SLC39A11: variants seen among roughly 807,000 people sequenced by gnomAD.
SLC39A11 encodes the protein solute carrier family 39 member 11, also known as zinc transporter ZIP11.
Under a neutral mutation model 36.1 loss-of-function variants are expected in SLC39A11, and 33 were observed. The ratio of observed to expected loss-of-function variants is 0.91; its 90% confidence interval spans 0.69 to 1.22. SLC39A11 has a LOEUF of 1.22. SLC39A11 is among the 50% of genes most tolerant of loss of function. The pLI is 0.00. For missense variants in SLC39A11, 432 were observed against 430.3 expected (o/e 1.00, Z -0.03); for synonymous variants, 166 against 170.3 (o/e 0.97, Z 0.20).
At position 72,646,082 on chromosome 17, in the gene SLC39A11, G is replaced by C. The variant is rs1451316897; in HGVS notation, c.*1502C>G. The C allele has an allele frequency of 6.6e-6, 1 of 152,662 alleles. No homozygotes were observed. The highest frequency in any genetic ancestry group is 1.5e-5 in the Non-Finnish European group (1 of 68,052). The allele number at this position is 152,662 out of a possible 1,614,324, so 9.5% of individuals were successfully genotyped here. ...CATACATACACCAACCACCACACCA[G>C]TTAATCTCAACCAATCAAACCTCTG... On this transcript the variant is annotated 3_prime_UTR_variant, in exon 10 of 10. Coordinates refer to ENST00000255559, the MANE Select transcript of SLC39A11 (RefSeq NM_139177.4).
chr17:72,809,670 G>A (rs1393686426), intron 6 of SLC39A11, among the ~76,000 whole-genome samples: 1 of 152,104 alleles, frequency 6.6e-6, no homozygotes, highest in Non-Finnish European at 1.5e-5. Flanking sequence ...TCATTTTAAC[G>A]GTATTTTAGG....
chr17:72,823,422 T>C (rs1206597444), intron 6 of SLC39A11, among the ~76,000 whole-genome samples: 1 of 151,168 alleles, frequency 6.6e-6, no homozygotes, highest in Non-Finnish European at 1.5e-5. Flanking sequence ...TCTAAACTCA[T>C]CTGGCAACAG....
At chr17:73,005,566 T>C (rs1384463342) in intron 4 of SLC39A11, among the ~76,000 whole-genome samples, 1 of 152,154 alleles carries the variant, frequency 6.6e-6, no homozygotes, top group Non-Finnish European at 1.5e-5. Context: ...CACCTTCCTG[T>C]TCTATATGCA....
intron 5 of SLC39A11, among the ~76,000 whole-genome samples, chr17:72,869,690 AT>A (rs2080505291): frequency 6.6e-6 from 1 of 152,198 alleles, no homozygotes; most frequent in Non-Finnish European, 1.5e-5. Flanking sequence ...CGCCCAGTGA[AT>A]TTTTAAAAAT....
chr17:72,903,907 C>G (rs9908880), intron 5 of SLC39A11, among the ~76,000 whole-genome samples: 1 of 152,128 alleles, frequency 6.6e-6, no homozygotes, highest in South Asian at 2.1e-4. Context: ...ATAACAGGAG[C>G]AAGTGAGCTC....
chr17:72,752,731 G>A (rs1284051943), intron 6 of SLC39A11, among the ~76,000 whole-genome samples: 1 of 151,912 alleles, frequency 6.6e-6, no homozygotes, highest in African/African-American at 2.4e-5. Context: ...TCATCTTCCA[G>A]TATCTGATGC....
chr17:72,659,744 G>A (rs2070326571), intron 7 of SLC39A11, among the ~76,000 whole-genome samples: 1 of 151,802 alleles, frequency 6.6e-6, no homozygotes, highest in South Asian at 2.1e-4. Flanking sequence ...CACCATGCCT[G>A]GCTAATTTTT....
intron 7 of SLC39A11, among the ~76,000 whole-genome samples, chr17:72,716,992 T>TATATACACAC (rs773086532): frequency 8.7e-5 from 11 of 126,464 alleles, no homozygotes; most frequent in African/African-American, 2.9e-4. Context: ...TATATATATA[T>TATATACACAC]ACACACACAC....
intron 6 of SLC39A11, among the ~76,000 whole-genome samples, chr17:72,760,219 G>C (rs1035329098): frequency 6.6e-6 from 1 of 152,166 alleles, no homozygotes; most frequent in African/African-American, 2.4e-5. Flanking sequence ...CTAGAGAAGT[G>C]GTTTCACCAT....
chr17:72,722,290 C>T (rs2073716718), intron 7 of SLC39A11, among the ~76,000 whole-genome samples: 1 of 152,118 alleles, frequency 6.6e-6, no homozygotes, highest in South Asian at 2.1e-4. Flanking sequence ...AACAGGGAAG[C>T]AAAAGTCAAG....
At chr17:72,701,026 C>T (rs916356783) in intron 7 of SLC39A11, among the ~76,000 whole-genome samples, 3 of 152,256 alleles carry the variant, frequency 2.0e-5, no homozygotes, top group Non-Finnish European at 4.4e-5. Context: ...GGGCCCTGCA[C>T]AACCTGCAGC....
intron 6 of SLC39A11, among the ~76,000 whole-genome samples, chr17:72,743,209 G>A (rs529703726): frequency 6.6e-6 from 1 of 152,124 alleles, no homozygotes; most frequent in South Asian, 2.1e-4. Context: ...GGCTAGAGCT[G>A]GGCCGTAAAC....
chr17:72,857,973 A>C (rs895910298), intron 5 of SLC39A11, among the ~76,000 whole-genome samples: 1 of 152,128 alleles, frequency 6.6e-6, no homozygotes, highest in Non-Finnish European at 1.5e-5. Flanking sequence ...GAAGCTCTTA[A>C]GTTTAATTAG....
At chr17:72,696,374 C>G (rs567343597) in intron 7 of SLC39A11, among the ~76,000 whole-genome samples, 7 of 152,302 alleles carry the variant, frequency 4.6e-5, no homozygotes, top group East Asian at 1.9e-4. Flanking sequence ...TTACAAGGTA[C>G]CTACCAGGAC....
At chr17:72,918,629 C>T (rs1041309922) in intron 5 of SLC39A11, among the ~76,000 whole-genome samples, 16 of 152,308 alleles carry the variant, frequency 1.1e-4, no homozygotes, top group African/African-American at 3.6e-4. Context: ...TCAACTGGCC[C>T]CAGCTTTCCC....
intron 4 of SLC39A11, among the ~76,000 whole-genome samples, chr17:73,017,645 G>A (rs1000392762): frequency 7.2e-5 from 11 of 152,096 alleles, no homozygotes; most frequent in East Asian, 1.9e-4. Flanking sequence ...CCTGGGAGGC[G>A]GAGGTTGCGG....
intron 9 of SLC39A11, 36 bp downstream of exon 9, chr17:72,648,767 G>A (rs775848390): frequency 7.4e-6 from 12 of 1,611,396 alleles, no homozygotes; most frequent in Admixed American, 1.7e-5. Flanking sequence ...AGCTGGGACT[G>A]GGACAGGGAC....
At chr17:73,009,312 G>A (rs1432580834) in intron 4 of SLC39A11, among the ~76,000 whole-genome samples, 4 of 145,092 alleles carry the variant, frequency 2.8e-5, no homozygotes, top group South Asian at 2.2e-4. Flanking sequence ...CCGAGATTGC[G>A]CCACTGCACT....
intron 6 of SLC39A11, among the ~76,000 whole-genome samples, chr17:72,783,889 G>A (rs1303870054): frequency 3.9e-5 from 6 of 152,166 alleles, no homozygotes; most frequent in African/African-American, 1.4e-4. Context: ...CCTCAGCCAG[G>A]AATTTTCAGG....
Sources: allele counts gnomAD v4.1 joint callset (sites outside exome capture counted in the v4.1 genomes callset), GRCh38; gene constraint gnomAD v4.1.1; transcripts MANE v1.5; gene names NCBI Gene and HGNC (gene_info 2026-07-23, HGNC 2026-07-21).